PLEKHG1: variants seen among roughly 807,000 people sequenced by gnomAD.
The protein encoded by PLEKHG1 is pleckstrin homology and RhoGEF domain containing G1.
In PLEKHG1, 44 loss-of-function variants were observed where a neutral mutation model predicts 100.8. That is an observed-to-expected ratio of 0.44 (90% confidence interval 0.34 to 0.56). PLEKHG1 has a LOEUF of 0.56. Ranked by LOEUF, PLEKHG1 falls within the 20% of genes least tolerant of loss-of-function variation. PLEKHG1 has a pLI of 0.01. For missense variants in PLEKHG1, 1,545 were observed against 1,720.9 expected, an observed-to-expected ratio of 0.90 and a Z score of 1.81; for synonymous variants, 640 against 662.5, an observed-to-expected ratio of 0.97 and a Z score of 0.52.
chr6:150,813,536 G>A (rs916738294), intron 10 of PLEKHG1, among the ~76,000 whole-genome samples: 5 of 151,994 alleles, frequency 3.3e-5, no homozygotes, highest in African/African-American at 1.2e-4. Context: ...GGGTGGGGAG[G>A]GTGCCAGTGA....
chr6:150,758,071 A>G (rs533722005), intron 2 of PLEKHG1, among the ~76,000 whole-genome samples: 1 of 152,122 alleles, frequency 6.6e-6, no homozygotes, highest in Non-Finnish European at 1.5e-5. Flanking sequence ...TTCTTTATCC[A>G]GTCTATCATT....
intron 2 of PLEKHG1, among the ~76,000 whole-genome samples, chr6:150,759,549 G>A (rs1784043361): frequency 6.6e-6 from 1 of 152,162 alleles, no homozygotes; most frequent in Admixed American, 6.5e-5. Flanking sequence ...ATGGCTTGAG[G>A]CATTTACTCT....
chr6:150,716,190 TAA>T (rs1443007826), upstream of PLEKHG1, among the ~76,000 whole-genome samples: 6 of 152,162 alleles, frequency 3.9e-5, no homozygotes, highest in African/African-American at 1.2e-4. Context: ...AAAAATACAT[TAA>T]GAGTCTTTTG....
chr6:150,773,252 G>A (rs142898611), intron 3 of PLEKHG1, among the ~76,000 whole-genome samples: 898 of 152,140 alleles, frequency 5.9e-3, no homozygotes, highest in Non-Finnish European at 8.6e-3. Context: ...TACTTCTCTC[G>A]GCTGGGTGCA....
chr6:150,677,412 A>C (rs1779798558), intron 3 of PLEKHG1, among the ~76,000 whole-genome samples: 1 of 152,150 alleles, frequency 6.6e-6, no homozygotes. Context: ...TTAAAAGCCT[A>C]CACTGATTTC....
chr6:150,840,450 T>G (rs1156253411), exon 16 of PLEKHG1: 1 of 1,614,192 alleles, frequency 6.2e-7, no homozygotes, highest in Non-Finnish European at 8.5e-7. Flanking sequence ...TGAAAAACTC[T>G]CAGATCTCAC....
rs1029472357 is a variant in PLEKHG1, at chr6:150,683,077, G to A, written c.-99+32291G>A. Among the ~76,000 whole-genome samples the A allele has an allele frequency of 1.3e-5, 2 of 152,248 alleles. No individual in the cohort carries two copies. Among genetic ancestry groups the A allele is most frequent in the African/African-American group, 2.4e-5 (1 of 41,458 alleles). On this transcript the variant is annotated intron_variant, in intron 3 of 3. Transcript: ENST00000367326. The surrounding 1 kb of genome is among the most constrained non-coding windows in gnomAD (Gnocchi z 4.0). ...ACTACATCATCACAGCTTGACACAC[G>A]TTTCTTCAATTGGCATGTGTTCTTT...
At chr6:150,637,545 A>C (rs1411993356) in intron 1 of PLEKHG1, among the ~76,000 whole-genome samples, 1 of 152,004 alleles carries the variant, frequency 6.6e-6, no homozygotes, top group Non-Finnish European at 1.5e-5. Context: ...TTTTGCTTTC[A>C]CACTTGATTA....
intron 3 of PLEKHG1, among the ~76,000 whole-genome samples, chr6:150,706,248 G>A (rs753330314): frequency 2.0e-5 from 3 of 152,108 alleles, no homozygotes; most frequent in South Asian, 2.1e-4. Flanking sequence ...CCTGAGTCTC[G>A]CCAGCGAGCT....
At chr6:150,699,855 T>C (rs1045914766) in intron 3 of PLEKHG1, among the ~76,000 whole-genome samples, 2 of 152,232 alleles carry the variant, frequency 1.3e-5, no homozygotes, top group African/African-American at 4.8e-5. Flanking sequence ...AAGAAAACTT[T>C]GAAATTGTCT....
intron 3 of PLEKHG1, among the ~76,000 whole-genome samples, chr6:150,701,319 CAA>C (rs1191848222): frequency 4.8e-5 from 5 of 104,414 alleles, no homozygotes; most frequent in Admixed American, 9.7e-5. Flanking sequence ...GACTCTATCT[CAA>C]AAAAAAAAAA....
At chr6:150,816,525 C>T (rs1296090083) in intron 10 of PLEKHG1, among the ~76,000 whole-genome samples, 2 of 151,430 alleles carry the variant, frequency 1.3e-5, no homozygotes, top group African/African-American at 4.9e-5. Flanking sequence ...ACGGTTTCAC[C>T]GTGTTGGTCA....
At chr6:150,734,127 A>T in intron 2 of PLEKHG1, 35 bp downstream of exon 3, 1 of 1,571,144 alleles carries the variant, frequency 6.4e-7, no homozygotes. Flanking sequence ...TTTGCCATGC[A>T]GGAGAAATAT....
chr6:150,806,948 C>T lies in PLEKHG1; in HGVS notation c.913-2157C>T, dbSNP rs186849693. On this transcript the variant is annotated intron_variant, in intron 7 of 15. Coordinates refer to ENST00000358517, the Ensembl canonical transcript of PLEKHG1. ...AATCTCACACTGCCTTTCTCCCTCC[C>T]ACCTGGGACATGAATCACCCCTTTG... Among the ~76,000 whole-genome samples the T allele has an allele frequency of 5.3e-5, 8 of 152,230 alleles. No homozygotes were observed. In the East Asian group the frequency reaches 1.5e-3, roughly 29 times the overall value.
intron 9 of PLEKHG1, 78 bp from the exon 11 acceptor site, chr6:150,809,570 G>T: frequency 6.7e-7 from 1 of 1,490,752 alleles, no homozygotes; most frequent in Non-Finnish European, 9.4e-7. Flanking sequence ...CTGGCCACAT[G>T]GTCATTTCCC....
At chr6:150,787,801 C>G (rs146411270) in intron 4 of PLEKHG1, among the ~76,000 whole-genome samples, 2 of 152,134 alleles carry the variant, frequency 1.3e-5, no homozygotes, top group African/African-American at 4.8e-5. Flanking sequence ...TCCATGGGCT[C>G]TCCTGACTTT....
At chr6:150,613,908 C>T (rs1170680067) in intron 1 of PLEKHG1, among the ~76,000 whole-genome samples, 2 of 152,198 alleles carry the variant, frequency 1.3e-5, no homozygotes, top group African/African-American at 2.4e-5. Flanking sequence ...GAGAAATCTT[C>T]TTTATAACTA....
chr6:150,827,841 G>A (rs956304823), intron 14 of PLEKHG1: 11 of 1,435,178 alleles, frequency 7.7e-6, no homozygotes, highest in African/African-American at 2.8e-5. Flanking sequence ...GGAGGATCAC[G>A]AAGGCGAGTT....
rs555361232 is a variant in PLEKHG1 at position 150,833,451 on chromosome 6, C to T, written c.3094+1246C>T. Among the ~76,000 whole-genome samples the T allele has an allele frequency of 3.3e-5, 5 of 152,326 alleles. No individual in the cohort carries two copies. In the South Asian group the frequency reaches 1.0e-3, roughly 32 times the overall value. On this transcript the variant is annotated intron_variant, in intron 15 of 15. Coordinates refer to ENST00000358517, the Ensembl canonical transcript of PLEKHG1. ...CTGAGTTTAATGCTTTAGTTAGACTCCTTTGTGGAGCACAACCAAACCAGA... is the reference window on the plus strand; with the variant it reads ...CTGAGTTTAATGCTTTAGTTAGACTTCTTTGTGGAGCACAACCAAACCAGA...
Sources: allele counts gnomAD v4.1 joint callset (sites outside exome capture counted in the v4.1 genomes callset), GRCh38; gene constraint gnomAD v4.1.1; non-coding constraint Gnocchi (gnomAD v3.1); transcripts MANE v1.5; gene names NCBI Gene and HGNC (gene_info 2026-07-23, HGNC 2026-07-21).